NCOA1: variants seen among roughly 807,000 people sequenced by gnomAD.
NCOA1 encodes nuclear receptor coactivator 1.
Under a neutral mutation model 150.9 loss-of-function variants are expected in NCOA1, and 35 were observed. The ratio of observed to expected loss-of-function variants is 0.23; its 90% CI spans 0.18 to 0.31. The LOEUF (loss-of-function observed/expected upper bound fraction) is 0.31, where lower values mean the gene tolerates loss of function less well. Among genes scored for constraint, NCOA1 ranks in the 10% least tolerant of loss-of-function variants. NCOA1 has a pLI of 1.00. For synonymous variants in NCOA1, 590 were observed against 630.0 expected (o/e 0.94, Z 0.95); for missense variants, 1,491 against 1,749.3 (o/e 0.85, Z 2.63).
chr2:24,498,793 A>T (rs1339028758), intron 1 of NCOA1, among the ~76,000 whole-genome samples: 2 of 152,034 alleles, frequency 1.3e-5, no homozygotes, highest in Non-Finnish European at 2.9e-5. Context: ...GAAAATGAGA[A>T]ATGTCAATTT....
In NCOA1 at chr2:24,693,303, C is replaced by G. The variant is rs753029694; in HGVS notation, c.764C>G (p.Ala255Gly). The G allele has an allele frequency of 1.4e-5, 23 of 1,614,182 alleles. No individual in the cohort carries two copies. Among genetic ancestry groups the G allele is most frequent in the Non-Finnish European group, 1.9e-5 (23 of 1,180,022 alleles). ...CIARRLPRPP[A>G]ITGVESFMTK... The stretch of plus-strand genomic sequence containing the variant: ...GCACGGCGATTACCTCGGCCTCCAG[C>G]TATTACGGGTGTAGAATCCTTTATG... The change falls in exon 10 of 23, where the codon GCT (alanine) becomes GGT (glycine). Residue 255 changes from alanine to glycine, a missense_variant. Physicochemically the swap from Ala to Gly is moderately conservative, Grantham distance 60. Transcript: ENST00000348332.
chr2:24,681,064 A>T (rs1242894028), intron 7 of NCOA1, among the ~76,000 whole-genome samples: 7 of 11,674 alleles, frequency 6.0e-4, no homozygotes, highest in African/African-American at 7.8e-4. Context: ...ATTTTCACAT[A>T]AAAAAAAAAA....
At chr2:24,622,064 G>A (rs1379284167) in intron 3 of NCOA1, among the ~76,000 whole-genome samples, 7 of 152,136 alleles carry the variant, frequency 4.6e-5, no homozygotes, top group African/African-American at 1.7e-4. Flanking sequence ...TACATATCCA[G>A]CAAAATAGAT....
chr2:24,594,161 A>G (rs1215552645), intron 3 of NCOA1, among the ~76,000 whole-genome samples: 2 of 152,158 alleles, frequency 1.3e-5, no homozygotes, highest in African/African-American at 4.8e-5. Flanking sequence ...TGAAGAATCC[A>G]GAATTCATGT....
intron 3 of NCOA1, among the ~76,000 whole-genome samples, chr2:24,621,975 A>G (rs897316511): frequency 1.3e-5 from 2 of 152,190 alleles, no homozygotes; most frequent in African/African-American, 2.4e-5. Context: ...TGACACCTCT[A>G]GTCCCCGCAT....
At chr2:24,530,522 G>A (rs1204008556) in intron 1 of NCOA1, among the ~76,000 whole-genome samples, 2 of 152,176 alleles carry the variant, frequency 1.3e-5, no homozygotes, top group South Asian at 2.1e-4. Flanking sequence ...CCGAGGACAA[G>A]TATTCTTAAT....
At chr2:24,719,019 A>C in intron 14 of NCOA1, among the ~76,000 whole-genome samples, 1 of 119,336 alleles carries the variant, frequency 8.4e-6, no homozygotes, top group Non-Finnish European at 1.6e-5. Context: ...ACAAAGTGAG[A>C]CTCTGTCCCA....
intron 3 of NCOA1, among the ~76,000 whole-genome samples, chr2:24,642,037 TGCGCGC>T (rs1553441349): frequency 4.3e-5 from 6 of 138,532 alleles, no homozygotes; most frequent in Admixed American, 7.4e-5. Flanking sequence ...TGTGTGTGTG[TGCGCGC>T]GTGCGTATGT....
In NCOA1 at chr2:24,665,934, AC is replaced by A; in HGVS notation, c.256+22del. Reference sequence around the variant, plus strand: ...GAACAAGGTAAAAAAGAAAAAGAAAACCCATGGCTGTGTGCTTTGTTATTAA... The same window carrying A: ...GAACAAGGTAAAAAAGAAAAAGAAAACCATGGCTGTGTGCTTTGTTATTAA... On this transcript the variant is annotated intron_variant, in intron 6 of 22. Transcript: ENST00000348332. The A allele has an allele frequency of 1.4e-6, 2 of 1,395,880 alleles. No homozygotes were observed. The highest frequency in any genetic ancestry group is 1.9e-6 in the Non-Finnish European group (2 of 1,064,260). The allele number at this position is 1,395,880 out of a possible 1,614,324, so 86.5% of individuals were successfully genotyped here. A position where few individuals can be genotyped will look rare whatever the true frequency, so the allele number is the denominator to read the frequency against.
chr2:24,511,249 A>C (rs1207607307), intron 1 of NCOA1, among the ~76,000 whole-genome samples: 1 of 152,150 alleles, frequency 6.6e-6, no homozygotes, highest in African/African-American at 2.4e-5. Context: ...GCTTCTCTGA[A>C]CTTTCATGTA....
At chr2:24,623,241 A>C (rs941203438) in intron 3 of NCOA1, among the ~76,000 whole-genome samples, 12 of 152,246 alleles carry the variant, frequency 7.9e-5, no homozygotes, top group African/African-American at 2.4e-4. Context: ...TTAGAGGTGG[A>C]AACTCAGAAA....
chr2:24,509,341 T>C (rs542781593), intron 1 of NCOA1, among the ~76,000 whole-genome samples: 1 of 152,370 alleles, frequency 6.6e-6, no homozygotes, highest in Non-Finnish European at 1.5e-5. Flanking sequence ...CATAATCACT[T>C]TGTTCTTCTA....
At chr2:24,523,482 T>G (rs1474079540) in intron 1 of NCOA1, among the ~76,000 whole-genome samples, 1 of 150,514 alleles carries the variant, frequency 6.6e-6, no homozygotes, top group Non-Finnish European at 1.5e-5. Flanking sequence ...GGTGGGTGCC[T>G]GTAGTTCCAG....
chr2:24,548,419 G>A (rs1665693070), intron 1 of NCOA1, among the ~76,000 whole-genome samples: 1 of 152,222 alleles, frequency 6.6e-6, no homozygotes, highest in African/African-American at 2.4e-5. Flanking sequence ...TGAGATTTGG[G>A]TGGGGACACA....
At chr2:24,645,376 G>A (rs887069033) in intron 4 of NCOA1, among the ~76,000 whole-genome samples, 5 of 151,168 alleles carry the variant, frequency 3.3e-5, no homozygotes, top group South Asian at 2.1e-4. Flanking sequence ...GGTGGTGGGC[G>A]CCTGTAGTCC....
At chr2:24,742,552 G>A (rs898637701) in intron 19 of NCOA1, among the ~76,000 whole-genome samples, 1 of 151,744 alleles carries the variant, frequency 6.6e-6, no homozygotes, top group Non-Finnish European at 1.5e-5. Context: ...CACCTCCTGG[G>A]CTTAAGCGAT....
intron 1 of NCOA1, chr2:24,554,304 G>A (rs1226630214): frequency 6.6e-6 from 1 of 152,112 alleles, no homozygotes; most frequent in African/African-American, 2.4e-5. Flanking sequence ...ATTTCATGCT[G>A]TAAGTTTCTA....
At chr2:24,625,737 G>C (rs1426695342) in intron 3 of NCOA1, among the ~76,000 whole-genome samples, 2 of 121,710 alleles carry the variant, frequency 1.6e-5, no homozygotes, top group African/African-American at 5.5e-5. Flanking sequence ...AAATAATTCA[G>C]TGTTTTCTGT....
chr2:24,728,494 C>T lies in NCOA1; in HGVS notation c.2886+18C>T. ...TTGTTCAGGTATTTATTAAAGTCAA[C>T]ATTATTTAACTGATGGAGCCCTAAG... On this transcript the variant is annotated intron_variant, in intron 16 of 22. Coordinates refer to ENST00000348332, the MANE Select transcript of NCOA1 (RefSeq NM_003743.5). 1 of 1,599,974 alleles carries T rather than the reference C, an allele frequency of 6.3e-7. No homozygotes were observed. The highest frequency in any genetic ancestry group is 8.5e-7 in the Non-Finnish European group (1 of 1,171,468).
Sources: gnomAD v4.1 joint callset for allele counts (sites outside exome capture counted in the v4.1 genomes callset) on GRCh38, gnomAD v4.1.1 for gene constraint, MANE v1.5 for transcripts, NCBI Gene and HGNC (gene_info 2026-07-23, HGNC 2026-07-21) for gene names.